SND1: variants seen among roughly 807,000 people sequenced by gnomAD.
SND1 encodes staphylococcal nuclease domain-containing protein 1.
Under a neutral mutation model 121.7 loss-of-function variants are expected in SND1, and 38 were observed. The ratio of observed to expected loss-of-function variants is 0.31; its 90% CI spans 0.24 to 0.41. The LOEUF (loss-of-function observed/expected upper bound fraction) is 0.41, where lower values mean the gene tolerates loss of function less well. Among genes scored for constraint, SND1 ranks in the 10% least tolerant of loss-of-function variants. The pLI, the probability that SND1 is intolerant of heterozygous loss-of-function variation, is 1.00. For synonymous variants in SND1, 401 were observed against 447.4 expected, an observed-to-expected ratio of 0.90 and a Z score of 1.31; for missense variants, 868 against 1,184.6, an observed-to-expected ratio of 0.73 and a Z score of 3.92.
intron 13 of SND1, among the ~76,000 whole-genome samples, chr7:127,896,288 C>T (rs1310333925): frequency 1.3e-5 from 2 of 152,072 alleles, no homozygotes; most frequent in African/African-American, 2.4e-5. Context: ...TTCACACAAC[C>T]CAAAATATTT....
At chr7:127,785,310 C>T (rs1797792278) in intron 10 of SND1, among the ~76,000 whole-genome samples, 2 of 152,170 alleles carry the variant, frequency 1.3e-5, no homozygotes. Flanking sequence ...AGTCATGAAG[C>T]CCTCCTCCAA....
intron 15 of SND1, among the ~76,000 whole-genome samples, chr7:127,975,272 ATTGAG>A (rs1802086731): frequency 6.6e-6 from 1 of 152,092 alleles, no homozygotes. Context: ...ACACCCCAGT[ATTGAG>A]TTGAGTGTAG....
At chr7:127,771,641 TATACACATAC>T (rs1324266763) in intron 10 of SND1, among the ~76,000 whole-genome samples, 1 of 152,156 alleles carries the variant, frequency 6.6e-6, no homozygotes, top group African/African-American at 2.4e-5. Flanking sequence ...AGCACCCCCC[TATACACATAC>T]ATACACATAG....
intron 16 of SND1, among the ~76,000 whole-genome samples, chr7:128,023,976 G>A (rs1803417859): frequency 1.3e-5 from 2 of 151,936 alleles, no homozygotes; most frequent in Admixed American, 6.6e-5. Flanking sequence ...TTTTTCCAAA[G>A]TCACACAGCT....
chr7:127,694,732 T>C lies in SND1; in HGVS notation c.229-96T>C, dbSNP rs1795978895. The C allele has an allele frequency of 1.1e-5, 15 of 1,426,734 alleles. 1 individual carries two copies. The South Asian group carries it at 1.4e-4, about 13-fold the overall frequency. 88.4% of individuals were successfully genotyped at this position (1,426,734 alleles called of 1,614,324 possible). ...AGCGCAGGGCCAGGACCATGGTAGG[T>C]ACTCAGACATTTACTGAAGGTATGA... On this transcript the variant is annotated intron_variant, in intron 2 of 23. Transcript: ENST00000354725.
At chr7:127,743,741 G>GT (rs1395784903) in intron 10 of SND1, among the ~76,000 whole-genome samples, 7 of 152,174 alleles carry the variant, frequency 4.6e-5, no homozygotes, top group African/African-American at 1.7e-4. Context: ...ATGTATGCGT[G>GT]TGTTATAAGG....
At chr7:128,003,003 C>T (rs1466113168) in intron 16 of SND1, among the ~76,000 whole-genome samples, 1 of 152,182 alleles carries the variant, frequency 6.6e-6, no homozygotes, top group East Asian at 1.9e-4. Context: ...AGGGGGATCA[C>T]ATGAGGCCAG....
chr7:127,858,471 G>A (rs1052091243), intron 12 of SND1: 22 of 618,094 alleles, frequency 3.6e-5, no homozygotes, highest in Admixed American at 9.9e-5. Context: ...GAGGCCTGGC[G>A]TGGGGTCTCA....
At chr7:127,682,903 A>G (rs1302215763) in intron 1 of SND1, among the ~76,000 whole-genome samples, 1 of 152,222 alleles carries the variant, frequency 6.6e-6, no homozygotes, top group African/African-American at 2.4e-5. Context: ...AATTATAACA[A>G]TAATCAACCT....
intron 12 of SND1, among the ~76,000 whole-genome samples, chr7:127,853,776 A>G (rs1397527909): frequency 2.0e-5 from 3 of 152,170 alleles, no homozygotes; most frequent in Non-Finnish European, 4.4e-5. Flanking sequence ...TGTGGTAAAT[A>G]TATGATACCA....
intron 15 of SND1, among the ~76,000 whole-genome samples, chr7:127,951,722 T>A (rs926727830): frequency 6.6e-6 from 1 of 152,210 alleles, no homozygotes; most frequent in South Asian, 2.1e-4. Flanking sequence ...AGAATGTGCC[T>A]GAGATCAGGG....
chr7:127,734,533 G>T (rs531084956), intron 10 of SND1, among the ~76,000 whole-genome samples: 1 of 152,310 alleles, frequency 6.6e-6, no homozygotes, highest in East Asian at 1.9e-4. Flanking sequence ...GAACGTGCTT[G>T]CCTCCAGCGT....
At chr7:127,856,204 C>T (rs907366737) in intron 12 of SND1, among the ~76,000 whole-genome samples, 11 of 152,166 alleles carry the variant, frequency 7.2e-5, no homozygotes, top group Non-Finnish European at 1.3e-4. Flanking sequence ...AGTAGGCACA[C>T]AATTTATTCT....
intron 15 of SND1, among the ~76,000 whole-genome samples, chr7:127,938,047 T>C (rs1563064172): frequency 6.6e-6 from 1 of 152,234 alleles, no homozygotes; most frequent in Non-Finnish European, 1.5e-5. Context: ...TGGGGTATTC[T>C]TTCTCTTGGG....
intron 11 of SND1, among the ~76,000 whole-genome samples, chr7:127,817,763 CTCTGT>C (rs1249262407): frequency 5.2e-4 from 68 of 130,256 alleles, no homozygotes; most frequent in African/African-American, 2.0e-3. Context: ...GGAATCTTAC[CTCTGT>C]TCTGTATTCC....
chr7:128,030,087 T>C, intron 16 of SND1: 1 of 1,613,702 alleles, frequency 6.2e-7, no homozygotes, highest in South Asian at 1.1e-5. Context: ...AGAGATATAC[T>C]CCAGCTTCTT....
At chr7:127,730,426 C>A (rs1032906366) in intron 10 of SND1, among the ~76,000 whole-genome samples, 6 of 152,208 alleles carry the variant, frequency 3.9e-5, no homozygotes, top group African/African-American at 1.4e-4. Flanking sequence ...ATTCTGGAGA[C>A]TTTGTCTTCC....
At chr7:127,882,271 A>G (rs1223569059) in intron 12 of SND1, among the ~76,000 whole-genome samples, 1 of 151,448 alleles carries the variant, frequency 6.6e-6, no homozygotes, top group African/African-American at 2.4e-5. Context: ...TATGTTAAAA[A>G]AAGGAAAAGC....
chr7:127,939,095 G>A (rs1468903176), intron 15 of SND1, among the ~76,000 whole-genome samples: 1 of 152,174 alleles, frequency 6.6e-6, no homozygotes, highest in African/African-American at 2.4e-5. Context: ...AACAATAAGA[G>A]TAAATATGTA....
Sources: gnomAD v4.1 joint callset for allele counts (sites outside exome capture counted in the v4.1 genomes callset) on GRCh38, gnomAD v4.1.1 for gene constraint, MANE v1.5 for transcripts, NCBI Gene and HGNC (gene_info 2026-07-23, HGNC 2026-07-21) for gene names.